The following EPN2 variants were observed in gnomAD, a reference collection of about 807,000 sequenced individuals.
EPN2 encodes the protein epsin-2.
EPN2 carries 34 observed loss-of-function variants against 61.7 expected under a neutral mutation model. That is an observed-to-expected ratio of 0.55 (90% CI 0.42 to 0.73). The LOEUF is 0.73. EPN2 is among the 30% of genes least tolerant of loss of function. The pLI is 0.00. For synonymous variants in EPN2, 349 were observed against 353.6 expected (o/e 0.99, Z 0.15); for missense variants, 714 against 839.2 (o/e 0.85, Z 1.84).
intron 4 of EPN2, among the ~76,000 whole-genome samples, chr17:19,300,574 GCC>G (rs1416443410): frequency 1.3e-5 from 2 of 151,832 alleles, no homozygotes; most frequent in African/African-American, 4.8e-5. Flanking sequence ...GATTACAGGC[GCC>G]TGTCACCACG....
At chr17:19,248,981 T>C (rs1039692159) in intron 1 of EPN2, among the ~76,000 whole-genome samples, 1 of 152,202 alleles carries the variant, frequency 6.6e-6, no homozygotes, top group Admixed American at 6.5e-5. Context: ...AGCTGCATTA[T>C]GCAGAGGCCT....
At chr17:19,277,418 AAAAG>A (rs1236115826) in intron 1 of EPN2, among the ~76,000 whole-genome samples, 1 of 151,810 alleles carries the variant, frequency 6.6e-6, no homozygotes, top group Admixed American at 6.6e-5. Flanking sequence ...AAAAAAAAAA[AAAAG>A]AGAGAAATAA....
chr17:19,315,915 G>A (rs943406199), intron 7 of EPN2, among the ~76,000 whole-genome samples: 1 of 152,204 alleles, frequency 6.6e-6, no homozygotes, highest in Admixed American at 6.5e-5. Flanking sequence ...CCAGGCCCTG[G>A]CAACCAGTAT....
chr17:19,328,653 C>T lies in EPN2; in HGVS notation c.1148-58C>T. 12 of 1,479,958 alleles carry T rather than the reference C, an allele frequency of 8.1e-6. No homozygotes were observed. The South Asian group carries it at 1.4e-4, about 17-fold the overall frequency. 91.7% of individuals were successfully genotyped at this position (1,479,958 alleles called of 1,614,324 possible). On this transcript the variant is annotated intron_variant, in intron 7 of 10. Coordinates refer to ENST00000314728, the MANE Select transcript of EPN2 (RefSeq NM_014964.5). ...CTGGCAGTATCCTTTTCCCTTCTCACCCCAGCTGCCCAGACCCTCTGAAGG... is the reference window on the plus strand; with the variant it reads ...CTGGCAGTATCCTTTTCCCTTCTCATCCCAGCTGCCCAGACCCTCTGAAGG...
At chr17:19,332,787 A>G (rs1378208586) in intron 10 of EPN2, among the ~76,000 whole-genome samples, 1 of 152,202 alleles carries the variant, frequency 6.6e-6, no homozygotes, top group African/African-American at 2.4e-5. Flanking sequence ...CCTAGCTCAG[A>G]TGACTCCCTT....
rs1555598447 is a variant in EPN2, at chr17:19,276,777, T to TTTTTTTGTTTGTTTG, written c.-293-5172_-293-5171insGTTTGTTTGTTTTTT. ...GTATGTAATTTATGAGAATAAGTTT[T>TTTTTTTGTTTGTTTG]TTTTTTTTTTTTTTGCTGTATTGGG... On this transcript the variant is annotated intron_variant, in intron 1 of 10. Coordinates refer to ENST00000314728, the MANE Select transcript of EPN2 (RefSeq NM_014964.5). Among the ~76,000 whole-genome samples, 94 of 148,370 alleles carry TTTTTTTGTTTGTTTG rather than the reference T, an allele frequency of 6.3e-4. 1 individual carries two copies. The highest frequency in any genetic ancestry group is 1.8e-3 in the African/African-American group (71 of 38,638).
rs1724853741 is a variant in EPN2, at chr17:19,334,077, A to T, written c.1749A>T (p.Pro583=). 6.2e-7 allele frequency: 1 copy of T among 1,610,526 alleles called. No individual in the cohort carries two copies. The change falls in exon 11 of 11, where the codon CCA becomes CCT. Residue 583 remains proline, a synonymous_variant. Coordinates refer to ENST00000314728, the MANE Select transcript of EPN2 (RefSeq NM_014964.5). This position sits in a 1 kb window ranked among gnomAD's most constrained non-coding sequence, Gnocchi z 4.9. ...CCAGCACATCCTTTGGGCCTGGCCCAGGAGTGGAGTCCATGGCTGTGGCCT... is the reference window on the plus strand; with the variant it reads ...CCAGCACATCCTTTGGGCCTGGCCCTGGAGTGGAGTCCATGGCTGTGGCCT... ...LGTSTSFGPG[P]GVESMAVASM...
intron 4 of EPN2, among the ~76,000 whole-genome samples, chr17:19,294,254 C>CAAAA (rs35174163): frequency 6.9e-6 from 1 of 144,664 alleles, no homozygotes; most frequent in African/African-American, 2.6e-5. Flanking sequence ...CCCATCGCTA[C>CAAAA]AAAAAAAAAA....
intron 7 of EPN2, among the ~76,000 whole-genome samples, chr17:19,319,674 G>T (rs929231724): frequency 2.0e-5 from 3 of 150,294 alleles, no homozygotes; most frequent in Non-Finnish European, 4.4e-5. Flanking sequence ...TTGAGAGAAG[G>T]TTTCCCTCTG....
intron 1 of EPN2, among the ~76,000 whole-genome samples, chr17:19,264,326 C>T (rs1337572950): frequency 6.6e-6 from 1 of 152,196 alleles, no homozygotes; most frequent in Non-Finnish European, 1.5e-5. Flanking sequence ...AAATTCCCCT[C>T]CTGTTGGGAT....
At chr17:19,333,814 G>T in intron 10 of EPN2, 142 bp from the exon 11 acceptor site, 1 of 576,284 alleles carries the variant, frequency 1.7e-6, no homozygotes. Flanking sequence ...ATTTGCTAGT[G>T]TCTGCCATGG....
intron 1 of EPN2, among the ~76,000 whole-genome samples, chr17:19,270,615 C>T (rs2045243092): frequency 6.6e-6 from 1 of 152,230 alleles, no homozygotes; most frequent in Non-Finnish European, 1.5e-5. Flanking sequence ...CCCTCACAGC[C>T]ATGCTGAGCA....
intron 7 of EPN2, among the ~76,000 whole-genome samples, chr17:19,327,179 G>A (rs1273807994): frequency 1.3e-5 from 2 of 152,104 alleles, no homozygotes; most frequent in African/African-American, 2.4e-5. Context: ...CCAGCAACTC[G>A]TGTATACATG....
At chr17:19,310,829 C>T (rs1307716715) in intron 5 of EPN2, among the ~76,000 whole-genome samples, 2 of 152,082 alleles carry the variant, frequency 1.3e-5, no homozygotes, top group Non-Finnish European at 2.9e-5. Flanking sequence ...CTGCCCACCT[C>T]GGCCTCCCAA....
At chr17:19,304,289 A>T (rs773614969) in intron 4 of EPN2, among the ~76,000 whole-genome samples, 1 of 152,148 alleles carries the variant, frequency 6.6e-6, no homozygotes, top group Non-Finnish European at 1.5e-5. Flanking sequence ...TGATTCAGGA[A>T]GTGGCCCCTG....
intron 9 of EPN2, 138 bp downstream of exon 9, chr17:19,329,785 T>C: frequency 1.6e-6 from 1 of 608,668 alleles, no homozygotes. Context: ...GCCTGAAGTT[T>C]CTAATTCTAA....
At position 19,308,069 on chromosome 17, in the gene EPN2, A is replaced by G. The variant is rs1905936822; in HGVS notation, c.767-1816A>G. On this transcript the variant is annotated intron_variant, in intron 4 of 10. Transcript: ENST00000314728. ...AAAGAAGGAAGTAAACTAATACACA[A>G]TTAGAACATTTATTTATTTTTTGAG... The G allele has an allele frequency of 9.3e-6, 9 of 967,222 alleles. No homozygotes were observed. In the South Asian group the frequency reaches 2.4e-4, roughly 26 times the overall value. The allele number at this position is 967,222 out of a possible 1,614,324, so 59.9% of individuals were successfully genotyped here.
chr17:19,248,195 G>C (rs1358266776), intron 1 of EPN2, among the ~76,000 whole-genome samples: 2 of 152,216 alleles, frequency 1.3e-5, no homozygotes, highest in African/African-American at 4.8e-5. Context: ...GGATTGGCTG[G>C]TGGAATCAGG....
intron 1 of EPN2, among the ~76,000 whole-genome samples, chr17:19,274,991 T>C (rs924365620): frequency 6.6e-6 from 1 of 152,242 alleles, no homozygotes; most frequent in African/African-American, 2.4e-5. Context: ...GTCCCCTGCA[T>C]GTATGGGGAT....
Sources: gnomAD v4.1 joint callset for allele counts (sites outside exome capture counted in the v4.1 genomes callset) on GRCh38, gnomAD v4.1.1 for gene constraint, Gnocchi (gnomAD v3.1) non-coding constraint, MANE v1.5 for transcripts, NCBI Gene and HGNC (gene_info 2026-07-23, HGNC 2026-07-21) for gene names.